Variants in CFAP99 observed in about 807,000 individuals in gnomAD.
CFAP99 encodes the protein cilia- and flagella-associated protein 99.
In CFAP99, 84 loss-of-function variants were observed where a neutral mutation model predicts 82.7. The observed-to-expected ratio is 1.02, with a 90% CI of 0.85 to 1.22. The LOEUF is 1.22. Among genes scored for constraint, CFAP99 ranks in the 50% most tolerant of loss-of-function variants. The probability of loss-of-function intolerance (pLI) is 0.00; values close to 1 mark genes in which losing one functional copy is unlikely to be tolerated. For synonymous variants in CFAP99, 456 were observed against 429.5 expected, an observed-to-expected ratio of 1.06 and a Z score of -0.76; for missense variants, 1,059 against 983.5, an observed-to-expected ratio of 1.08 and a Z score of -1.03.
At chr4:2,435,745 G>A (rs964376283) in intron 2 of CFAP99, among the ~76,000 whole-genome samples, 2 of 152,156 alleles carry the variant, frequency 1.3e-5, no homozygotes, top group Non-Finnish European at 1.5e-5. Flanking sequence ...GGAACATGGT[G>A]AGATCCAGTC....
intron 2 of CFAP99, chr4:2,428,329 C>G (rs950342261): frequency 6.6e-6 from 1 of 152,586 alleles, no homozygotes; most frequent in Non-Finnish European, 1.5e-5. Context: ...CTATCCGTCC[C>G]CCTCATTTCC....
chr4:2,449,036 G>T (rs1734240761), intron 6 of CFAP99, among the ~76,000 whole-genome samples: 1 of 152,150 alleles, frequency 6.6e-6, no homozygotes, highest in Non-Finnish European at 1.5e-5. Flanking sequence ...TTGAGGTTTG[G>T]ACGAGTTGAT....
chr4:2,459,036 G>A (rs1052564486), intron 12 of CFAP99, 71 bp from the exon 13 acceptor site: 20 of 1,452,950 alleles, frequency 1.4e-5, no homozygotes, highest in East Asian at 5.0e-5. Context: ...GAACCCTGGG[G>A]GAGGTGCCTT....
rs1191856175 is a variant in CFAP99, at chr4:2,458,710, G to T, written c.1162-13G>T. 1 of 1,528,316 alleles carries T rather than the reference G, an allele frequency of 6.5e-7. No individual in the cohort carries two copies. Among genetic ancestry groups the T allele is most frequent in the South Asian group, 1.2e-5 (1 of 83,382 alleles). 94.7% of individuals were successfully genotyped at this position (1,528,316 alleles called of 1,614,324 possible). A position where few individuals can be genotyped will look rare whatever the true frequency, so the allele number is the denominator to read the frequency against. On this transcript the variant is annotated splice_polypyrimidine_tract_variant and intron_variant, in intron 11 of 14. Transcript: ENST00000635017. ...CAGCCCCACTCACCGTGGCAGGTCC[G>T]CTGTCTGGGCAGATGGCCAAGCTGA...
intron 10 of CFAP99, among the ~76,000 whole-genome samples, 151 bp downstream of exon 10, chr4:2,451,503 C>T (rs921425713): frequency 6.6e-6 from 1 of 152,130 alleles, no homozygotes; most frequent in Non-Finnish European, 1.5e-5. Context: ...GGGCGACAAG[C>T]AGGACTGTGT....
intron 1 of CFAP99, among the ~76,000 whole-genome samples, chr4:2,424,705 G>A (rs1053977254): frequency 1.2e-4 from 19 of 152,250 alleles, no homozygotes; most frequent in Non-Finnish European, 2.9e-5. Context: ...TACCTGCATC[G>A]CAGCCTGGAA....
intron 4 of CFAP99, 63 bp downstream of exon 4, chr4:2,438,227 G>A (rs957414932): frequency 9.7e-6 from 9 of 932,014 alleles, no homozygotes; most frequent in African/African-American, 6.5e-5. Context: ...TCTGATCCTC[G>A]CCCACCTTTC....
At chr4:2,449,092 A>G (rs993585945) in intron 6 of CFAP99, among the ~76,000 whole-genome samples, 3 of 151,930 alleles carry the variant, frequency 2.0e-5, no homozygotes, top group African/African-American at 7.3e-5. Flanking sequence ...TGGAGTTAGG[A>G]GGGTAATACA....
At position 2,452,056 on chromosome 4, in the gene CFAP99, A is replaced by G. The variant is rs111418494; in HGVS notation, c.957-86A>G. Reference sequence around the variant, plus strand: ...AGTAGCAGCCCACGCCTGCGCAGCCACTGTCCCTCAGGAAAACCTGTGACC... The same window carrying G: ...AGTAGCAGCCCACGCCTGCGCAGCCGCTGTCCCTCAGGAAAACCTGTGACC... On this transcript the variant is annotated intron_variant, in intron 10 of 14. Transcript: ENST00000635017. The G allele has an allele frequency of 5.4e-3, 7,507 of 1,393,000 alleles. 149 individuals carry two copies. In the African/African-American group the frequency reaches 0.064, roughly 12 times the overall value. The allele number at this position is 1,393,000 out of a possible 1,614,324, so 86.3% of individuals were successfully genotyped here. A position where few individuals can be genotyped will look rare whatever the true frequency, so the allele number is the denominator to read the frequency against.
intron 2 of CFAP99, among the ~76,000 whole-genome samples, chr4:2,432,618 CCT>C (rs1441408451): frequency 2.0e-5 from 3 of 152,198 alleles, no homozygotes; most frequent in Admixed American, 1.3e-4. Flanking sequence ...CTTCCCCAAC[CCT>C]GTGAGTCCAG....
At chr4:2,430,691 C>G (rs927394973) in intron 2 of CFAP99, among the ~76,000 whole-genome samples, 3 of 151,830 alleles carry the variant, frequency 2.0e-5, no homozygotes, top group Non-Finnish European at 2.9e-5. Context: ...GTCCCAGTTA[C>G]TAGGACATCT....
intron 4 of CFAP99, 33 bp downstream of exon 4, chr4:2,438,197 A>AG (rs1445654825): frequency 1.5e-6 from 2 of 1,307,438 alleles, no homozygotes; most frequent in Non-Finnish European, 2.1e-6. Context: ...CCAGGCCACG[A>AG]GGCCCACGGG....
Position 2,462,897 on chromosome 4 carries a change from G to A in CFAP99, c.2116G>A (p.Gly706Arg), listed in dbSNP as rs566346194. ...GCTGCAGCAGGGAGGCTCAGGACCC[G>A]GGCCCGCGCGCCGCCTGGAGGCCGC... The change falls in exon 15 of 15, where the codon GGG (glycine) becomes AGG (arginine). Residue 706 changes from glycine to arginine, a missense_variant. Physicochemically the swap from Gly to Arg is moderately radical, Grantham distance 125. Transcript: ENST00000635017. This position sits in a 1 kb window ranked among gnomAD's most constrained non-coding sequence, Gnocchi z 4.1. 7.6e-7 allele frequency: 1 copy of A among 1,324,090 alleles called. No homozygotes were observed. Among genetic ancestry groups the A allele is most frequent in the Non-Finnish European group, 9.6e-7 (1 of 1,042,940 alleles). 82.0% of individuals were successfully genotyped at this position (1,324,090 alleles called of 1,614,324 possible).
rs1734521509 is a variant in CFAP99, at chr4:2,459,344, A to G, written c.1455+86A>G. 12 of 1,416,068 alleles carry G rather than the reference A, an allele frequency of 8.5e-6. No homozygotes were observed. In the Middle Eastern group the frequency reaches 9.5e-4, roughly 112 times the overall value. 87.7% of individuals were successfully genotyped at this position (1,416,068 alleles called of 1,614,324 possible). On this transcript the variant is annotated intron_variant, in intron 13 of 14. Transcript: ENST00000635017. ...AGAGGCAGTTTCCAGGGTTCCCACCAGAGCCACAGGTGGGTCTTGCACCAC... is the reference window on the plus strand; with the variant it reads ...AGAGGCAGTTTCCAGGGTTCCCACCGGAGCCACAGGTGGGTCTTGCACCAC...
In CFAP99 at chr4:2,442,004, GGA is replaced by G. The variant is rs796873990; in HGVS notation, c.352-1124_352-1123del. The stretch of plus-strand genomic sequence containing the variant: ...AGGGAATCTGCCCGCTGGCAGAGGG[GGA>G]GTCAGACCCACCGCAAAGCCCCACC... On this transcript the variant is annotated intron_variant, in intron 4 of 14. Transcript: ENST00000635017. Among the ~76,000 whole-genome samples, 25 of 152,286 alleles carry G rather than the reference GGA, an allele frequency of 1.6e-4. 1 individual carries two copies. The highest frequency in any genetic ancestry group is 5.8e-4 in the African/African-American group (24 of 41,558).
chr4:2,451,133 C>T (rs1415263874), intron 9 of CFAP99, 115 bp downstream of exon 9: 10 of 1,441,492 alleles, frequency 6.9e-6, no homozygotes, highest in Middle Eastern at 1.7e-4. Flanking sequence ...GTCCCAAGGA[C>T]GGCCCCACCC....
intron 13 of CFAP99, 96 bp from the exon 14 acceptor site, chr4:2,459,941 C>T: frequency 9.0e-7 from 1 of 1,110,668 alleles, no homozygotes; most frequent in Non-Finnish European, 1.3e-6. Flanking sequence ...GGAAGGTGGG[C>T]AAGGGGTGGG....
chr4:2,440,616 G>A (rs558243275), intron 4 of CFAP99, among the ~76,000 whole-genome samples: 5 of 151,646 alleles, frequency 3.3e-5, no homozygotes, highest in Admixed American at 3.3e-4. Flanking sequence ...CTTTTGAGGT[G>A]GAGTCTCACT....
intron 4 of CFAP99, among the ~76,000 whole-genome samples, chr4:2,439,847 ATT>A (rs113019313): frequency 2.1e-5 from 3 of 144,320 alleles, no homozygotes; most frequent in African/African-American, 5.1e-5. Context: ...CTATCTTGAC[ATT>A]TTTTTTTTTT....
Sources: gnomAD v4.1 joint callset for allele counts (sites outside exome capture counted in the v4.1 genomes callset) on GRCh38, gnomAD v4.1.1 for gene constraint, Gnocchi (gnomAD v3.1) non-coding constraint, MANE v1.5 for transcripts, NCBI Gene and HGNC (gene_info 2026-07-23, HGNC 2026-07-21) for gene names.